The following VPS26A variants were observed in gnomAD, a reference collection of about 807,000 sequenced individuals.
VPS26A encodes vacuolar protein sorting-associated protein 26A.
VPS26A carries 22 observed loss-of-function variants against 42.4 expected under a neutral mutation model. The ratio of observed to expected loss-of-function variants is 0.52; its 90% CI spans 0.37 to 0.74. The LOEUF (loss-of-function observed/expected upper bound fraction) is 0.74. Among genes scored for constraint, VPS26A ranks in the 30% least tolerant of loss-of-function variants. VPS26A has a pLI of 0.00. For synonymous variants in VPS26A, 110 were observed against 123.5 expected (o/e 0.89, Z 0.73); for missense variants, 276 against 379.2 (o/e 0.73, Z 2.26).
intron 5 of VPS26A, among the ~76,000 whole-genome samples, chr10:69,160,170 T>C (rs1409913708): frequency 7.2e-6 from 1 of 139,102 alleles, no homozygotes; most frequent in African/African-American, 2.8e-5. Flanking sequence ...ACACACACAG[T>C]TTTTTGTTTG....
chr10:69,150,616 C>G (rs945659574), intron 2 of VPS26A, among the ~76,000 whole-genome samples: 1 of 148,488 alleles, frequency 6.7e-6, no homozygotes, highest in Non-Finnish European at 1.5e-5. Flanking sequence ...CCAGGATGGT[C>G]TAGATCTCCT....
chr10:69,135,728 T>C (rs1463430785), intron 2 of VPS26A, among the ~76,000 whole-genome samples: 1 of 152,224 alleles, frequency 6.6e-6, no homozygotes, highest in East Asian at 1.9e-4. Context: ...ATCTTGAATC[T>C]GATTGTTTAT....
chr10:69,140,661 A>G (rs1841020917), intron 2 of VPS26A, among the ~76,000 whole-genome samples: 2 of 152,176 alleles, frequency 1.3e-5, no homozygotes, highest in Non-Finnish European at 2.9e-5. Context: ...CTGGGATTAC[A>G]GGTGTGAACC....
intron 1 of VPS26A, among the ~76,000 whole-genome samples, chr10:69,129,625 G>A (rs1409020191): frequency 6.6e-6 from 1 of 151,558 alleles, no homozygotes; most frequent in African/African-American, 2.4e-5. Context: ...TCGGCTCACT[G>A]CAACCTCCAC....
At chr10:69,145,567 A>G (rs1341699590) in intron 2 of VPS26A, among the ~76,000 whole-genome samples, 1 of 152,074 alleles carries the variant, frequency 6.6e-6, no homozygotes, top group Non-Finnish European at 1.5e-5. Context: ...TTTCTTCTGT[A>G]TGGATAGCTA....
intron 2 of VPS26A, among the ~76,000 whole-genome samples, chr10:69,149,310 TG>T (rs1841238368): frequency 6.6e-6 from 1 of 152,160 alleles, no homozygotes; most frequent in Non-Finnish European, 1.5e-5. Flanking sequence ...TTTCCAAAAG[TG>T]TGTAAGCTGA....
rs1464777158 is a variant in VPS26A, at chr10:69,133,056, T to C, written c.153+9T>C. 2 of 1,604,998 alleles carry C rather than the reference T, an allele frequency of 1.2e-6. No homozygotes were observed. Among genetic ancestry groups the C allele is most frequent in the Middle Eastern group, 1.7e-4 (1 of 6,034 alleles). ...AATCCGTTTCAGGAAAGGTAAATCTTCTGTTTGACAAAACTATCTAATTGT... is the reference window on the plus strand; with the variant it reads ...AATCCGTTTCAGGAAAGGTAAATCTCCTGTTTGACAAAACTATCTAATTGT... On this transcript the variant is annotated intron_variant, in intron 2 of 8. Transcript: ENST00000263559.
At chr10:69,129,041 ATC>A (rs1840719861) in intron 1 of VPS26A, among the ~76,000 whole-genome samples, 1 of 149,590 alleles carries the variant, frequency 6.7e-6, no homozygotes, top group South Asian at 2.1e-4. Context: ...TAATTTTTCT[ATC>A]TCTGTTTTAT....
rs569261601 is a variant in VPS26A at position 69,137,668 on chromosome 10, T to G, written c.153+4621T>G. ...TGATTAACTAAAAAAATCAACTGAT[T>G]AGTAACCTGATCACAGGAGTGGTAT... On this transcript the variant is annotated intron_variant, in intron 2 of 8. Coordinates refer to ENST00000263559, the MANE Select transcript of VPS26A (RefSeq NM_004896.5). 1.8e-4 allele frequency among the ~76,000 whole-genome samples: 27 copies of G among 152,192 alleles called. No individual in the cohort carries two copies. The South Asian group carries it at 4.6e-3, about 26-fold the overall frequency.
chr10:69,148,133 G>T (rs908860126), intron 2 of VPS26A, among the ~76,000 whole-genome samples: 2 of 152,062 alleles, frequency 1.3e-5, no homozygotes, highest in East Asian at 1.9e-4. Context: ...ACCTCTTATT[G>T]TATCTATTTA....
At chr10:69,130,988 G>C (rs1297644552) in intron 1 of VPS26A, among the ~76,000 whole-genome samples, 1 of 152,066 alleles carries the variant, frequency 6.6e-6, no homozygotes, top group East Asian at 1.9e-4. Flanking sequence ...TAACACTTGT[G>C]AACATTTTTT....
At chr10:69,162,340 G>T in intron 5 of VPS26A, 66 bp from the exon 6 acceptor site, 1 of 823,784 alleles carries the variant, frequency 1.2e-6, no homozygotes, top group South Asian at 1.7e-5. Context: ...AGTCTTTTAG[G>T]ACATAGTTCA....
intron 5 of VPS26A, among the ~76,000 whole-genome samples, chr10:69,161,133 C>A (rs974638927): frequency 6.6e-6 from 1 of 152,158 alleles, no homozygotes; most frequent in African/African-American, 2.4e-5. Context: ...AATCATGAGT[C>A]ACTGCAGCCT....
In VPS26A at chr10:69,149,734, G is replaced by GTTTTTTTTTTTT. The variant is rs869048277; in HGVS notation, c.154-6059_154-6048dup. ...AATGTTAACTTTCTTGGTGTTTTTT[G>GTTTTTTTTTTTT]TTTTTTTTTTTTTTTTTTTTTTTTT... is the stretch of plus-strand genomic sequence containing the variant. On this transcript the variant is annotated intron_variant, in intron 2 of 8. Coordinates refer to ENST00000263559, the MANE Select transcript of VPS26A (RefSeq NM_004896.5). Among the ~76,000 whole-genome samples, 45 of 21,400 alleles carry GTTTTTTTTTTTT rather than the reference G, an allele frequency of 2.1e-3. 1 individual carries two copies. The highest frequency in any genetic ancestry group is 3.8e-3 in the African/African-American group (42 of 10,992). The allele number at this position is 21,400 out of a possible 152,430, so 14.0% of individuals were successfully genotyped here.
rs576246371 is a variant in VPS26A, at chr10:69,162,603, C to T, written c.658+91C>T. 5.4e-4 allele frequency: 405 copies of T among 754,996 alleles called. 1 individual carries two copies. Among genetic ancestry groups the T allele is most frequent in the Non-Finnish European group, 7.2e-4 (355 of 491,506 alleles). 46.8% of individuals were successfully genotyped at this position (754,996 alleles called of 1,614,324 possible). Reference sequence around the variant, plus strand: ...TATTGTTTAAACATAATTTGATATCCACATTGAGTACTAATTTTGCTAGTT... The same window carrying T: ...TATTGTTTAAACATAATTTGATATCTACATTGAGTACTAATTTTGCTAGTT... On this transcript the variant is annotated intron_variant, in intron 6 of 8. Coordinates refer to ENST00000263559, the MANE Select transcript of VPS26A (RefSeq NM_004896.5).
At chr10:69,149,727 G>GTGTTT (rs1841249941) in intron 2 of VPS26A, among the ~76,000 whole-genome samples, 1 of 93,964 alleles carries the variant, frequency 1.1e-5, no homozygotes, top group Admixed American at 1.2e-4. Flanking sequence ...CTTTCTTGGT[G>GTGTTT]TTTTTTGTTT....
intron 2 of VPS26A, among the ~76,000 whole-genome samples, chr10:69,144,808 TG>T (rs1393217746): frequency 2.6e-5 from 4 of 152,116 alleles, no homozygotes; most frequent in African/African-American, 9.7e-5. Context: ...TGGAGTCCTT[TG>T]TCTATGTATG....
intron 2 of VPS26A, chr10:69,133,674 T>G: frequency 8.6e-7 from 1 of 1,156,522 alleles, no homozygotes; most frequent in Non-Finnish European, 1.1e-6. Flanking sequence ...GTTTTTTGGG[T>G]TTTTTGTTTT....
At position 69,155,810 on chromosome 10, in the gene VPS26A, A is replaced by G; in HGVS notation, c.154-2A>G. ...ATCTCTTATAATTTCATGTTTTGGC[A>G]GGTAAACCTAGCCTTTAAGCAACCT... On this transcript the variant is annotated splice_acceptor_variant, in intron 2 of 8. Transcript: ENST00000263559. LOFTEE classifies it high-confidence loss of function. The G allele has an allele frequency of 6.2e-7, 1 of 1,610,410 alleles. No homozygotes were observed. The highest frequency in any genetic ancestry group is 8.5e-7 in the Non-Finnish European group (1 of 1,177,922).
Sources: allele counts gnomAD v4.1 joint callset (sites outside exome capture counted in the v4.1 genomes callset), GRCh38; gene constraint gnomAD v4.1.1; transcripts MANE v1.5; gene names NCBI Gene and HGNC (gene_info 2026-07-23, HGNC 2026-07-21).